The following ST18 variants were observed in gnomAD, a reference collection of about 807,000 sequenced individuals.
The protein encoded by ST18 is suppression of tumorigenicity 18 protein.
Under a neutral mutation model 110.0 loss-of-function variants are expected in ST18, and 50 were observed. The observed-to-expected ratio is 0.45, with a 90% CI of 0.36 to 0.58. ST18 has a LOEUF of 0.58. ST18 is among the 20% of genes least tolerant of loss of function. The pLI, the probability that ST18 is intolerant of heterozygous loss-of-function variation, is 0.00. For missense variants in ST18, 1,306 were observed against 1,280.1 expected (o/e 1.02, Z -0.31); for synonymous variants, 461 against 452.4 (o/e 1.02, Z -0.24).
intron 2 of ST18, among the ~76,000 whole-genome samples, chr8:52,348,545 G>A (rs1818764787): frequency 6.6e-6 from 1 of 152,210 alleles, no homozygotes; most frequent in Admixed American, 6.5e-5. Context: ...CTGAGTTCGA[G>A]ACCAGCCTGG....
chr8:52,201,671 C>T lies in ST18; in HGVS notation c.86+10408G>A, dbSNP rs118083370. On this transcript the variant is annotated intron_variant, in intron 8 of 25. Coordinates refer to ENST00000689386, the MANE Select transcript of ST18 (RefSeq NM_001352837.2). ...GCTCTTCGTCCCAATCTACACCATC[C>T]GTGCCTGGCTGCCCAGCCTTCAGTT... 8.2e-3 allele frequency among the ~76,000 whole-genome samples: 1,251 copies of T among 152,302 alleles called. 7 individuals carry two copies. The highest frequency in any genetic ancestry group is 0.013 in the Non-Finnish European group (904 of 68,018).
chr8:52,129,451 C>CAAAAAA (rs34059224), intron 22 of ST18, among the ~76,000 whole-genome samples: 60 of 72,212 alleles, frequency 8.3e-4, no homozygotes, highest in Middle Eastern at 8.5e-3. Context: ...GAGACTCCAT[C>CAAAAAA]AAAAAAAAAA....
chr8:52,406,451 TC>T (rs1401036766), intron 2 of ST18: 1 of 152,440 alleles, frequency 6.6e-6, no homozygotes, highest in African/African-American at 2.4e-5. Flanking sequence ...GGGCAGTCAC[TC>T]CCTGGCGGGC....
chr8:52,133,219 A>G lies in ST18; in HGVS notation c.2363+20T>C, dbSNP rs2050474392. ...GCCGACAAGCTCATTTCCACATCTC[A>G]GAAATAAGATCAATCCTACCTTCTG... On this transcript the variant is annotated intron_variant, in intron 20 of 25. Transcript: ENST00000689386. The G allele has an allele frequency of 6.2e-7, 1 of 1,613,938 alleles. No homozygotes were observed.
Position 52,314,343 on chromosome 8 carries a change from C to T in ST18, c.-464-84266G>A, listed in dbSNP as rs1419661511. Among the ~76,000 whole-genome samples the T allele has an allele frequency of 2.0e-5, 3 of 152,234 alleles. No individual in the cohort carries two copies. In the East Asian group the frequency reaches 5.8e-4, roughly 29 times the overall value. Reference sequence around the variant, plus strand: ...GAGAATATGACATCCTTTAATGGACCCAACAGGCCCATTTAATGGACTCTT... The same window carrying T: ...GAGAATATGACATCCTTTAATGGACTCAACAGGCCCATTTAATGGACTCTT... On this transcript the variant is annotated intron_variant, in intron 2 of 25. Transcript: ENST00000689386.
chr8:52,176,620 T>C (rs2067065499), intron 9 of ST18, among the ~76,000 whole-genome samples: 1 of 152,194 alleles, frequency 6.6e-6, no homozygotes, highest in East Asian at 1.9e-4. Flanking sequence ...TAAATGTTTC[T>C]GCCTGATACA....
chr8:52,132,073 G>T lies in ST18; in HGVS notation c.2551C>A (p.Pro851Thr). 1 of 1,614,208 alleles carries T rather than the reference G, an allele frequency of 6.2e-7. No individual in the cohort carries two copies. Among genetic ancestry groups the T allele is most frequent in the South Asian group, 1.1e-5 (1 of 91,086 alleles). Residue 851 changes from proline (P) to threonine (T), a missense_variant, in exon 22 of 26, where the codon CCT becomes ACT. Transcript: ENST00000689386. ...PLAAKRQKENPLNGASLSWKL... is the reference protein window; with the variant it reads ...PLAAKRQKENTLNGASLSWKL... ...CAGGAGAGGGAGGCTCCATTGAGAG[G>T]ATTCTCCTTCTGTCTCTTGGCAGCC... is the stretch of plus-strand genomic sequence containing the variant.
At chr8:52,355,010 C>A (rs533371107) in intron 2 of ST18, among the ~76,000 whole-genome samples, 145 of 152,300 alleles carry the variant, frequency 9.5e-4, no homozygotes, top group African/African-American at 3.4e-3. Context: ...CAAAAGGAGA[C>A]TTTTCAGACT....
At chr8:52,287,998 A>G (rs2095496253) in intron 2 of ST18, among the ~76,000 whole-genome samples, 1 of 152,214 alleles carries the variant, frequency 6.6e-6, no homozygotes, top group Admixed American at 6.5e-5. Flanking sequence ...ATCAGTCACA[A>G]CCATAAACTG....
chr8:52,172,558 A>T lies in ST18; in HGVS notation c.303T>A (p.Asp101Glu), dbSNP rs777527097. Residue 101 changes from aspartate (D) to glutamate (E), a missense_variant, in exon 10 of 26, where the codon GAT becomes GAA. Coordinates refer to ENST00000689386, the MANE Select transcript of ST18 (RefSeq NM_001352837.2). ...TAEEIMIKPM[D>E]ESLLSTAQEN... ...CTTGTGCAGTTGAAAGAAGACTTTC[A>T]TCCATAGGTTTTATCATGATTTCCT... 2.5e-6 allele frequency: 4 copies of T among 1,587,250 alleles called. No homozygotes were observed. The Admixed American group carries it at 7.4e-5, about 29-fold the overall frequency.
intron 2 of ST18, among the ~76,000 whole-genome samples, chr8:52,332,233 G>C (rs1329468235): frequency 6.6e-6 from 1 of 151,994 alleles, no homozygotes; most frequent in Non-Finnish European, 1.5e-5. Context: ...TATTTGTAAT[G>C]GGGTAGAAAT....
chr8:52,295,710 C>CTTTT (rs371927202), intron 2 of ST18, among the ~76,000 whole-genome samples: 2 of 130,824 alleles, frequency 1.5e-5, no homozygotes, highest in East Asian at 2.2e-4. Flanking sequence ...TCTTTTTTTC[C>CTTTT]TTTTTTTTTT....
intron 2 of ST18, among the ~76,000 whole-genome samples, chr8:52,348,266 G>GTGGATGCC (rs1818633733): frequency 6.6e-6 from 1 of 152,190 alleles, no homozygotes; most frequent in Admixed American, 6.5e-5. Flanking sequence ...AGCAAGGCAA[G>GTGGATGCC]TGGATGCCTC....
chr8:52,219,564 T>C (rs989368140), intron 5 of ST18, among the ~76,000 whole-genome samples: 3 of 152,224 alleles, frequency 2.0e-5, no homozygotes, highest in Non-Finnish European at 2.9e-5. Context: ...AATCGAAGGA[T>C]GTGTGCACTT....
At chr8:52,205,526 A>G (rs1251449248) in intron 8 of ST18, among the ~76,000 whole-genome samples, 1 of 152,122 alleles carries the variant, frequency 6.6e-6, no homozygotes, top group Non-Finnish European at 1.5e-5. Context: ...AGGAAATGGT[A>G]GTAGTCTGTT....
rs1043645355 is a variant in ST18 at position 52,365,101 on chromosome 8, G to A, written c.-465+44227C>T. 8.1e-5 allele frequency among the ~76,000 whole-genome samples: 9 copies of A among 110,560 alleles called. 1 individual carries two copies. The highest frequency in any genetic ancestry group is 7.8e-4 in the South Asian group (2 of 2,572). 72.5% of individuals were successfully genotyped at this position (110,560 alleles called of 152,430 possible). A position where few individuals can be genotyped will look rare whatever the true frequency, so the allele number is the denominator to read the frequency against. ...TGCACTCCAGCCTGGGTGACAGAGC[G>A]AGACTCTGTCTTAAAAAAAAAATAA... is the stretch of plus-strand genomic sequence containing the variant. On this transcript the variant is annotated intron_variant, in intron 2 of 25. Coordinates refer to ENST00000689386, the MANE Select transcript of ST18 (RefSeq NM_001352837.2).
intron 10 of ST18, among the ~76,000 whole-genome samples, chr8:52,169,052 G>C (rs1432772968): frequency 6.6e-6 from 1 of 152,148 alleles, no homozygotes; most frequent in Non-Finnish European, 1.5e-5. Context: ...TCTGCAGGAA[G>C]CCCGAGAGGG....
chr8:52,386,190 T>G (rs1836684504), intron 2 of ST18, among the ~76,000 whole-genome samples: 1 of 152,192 alleles, frequency 6.6e-6, no homozygotes, highest in South Asian at 2.1e-4. Context: ...TCATTGAAAA[T>G]TACCTTTATA....
intron 8 of ST18, among the ~76,000 whole-genome samples, chr8:52,202,994 T>G (rs2078534191): frequency 1.3e-5 from 2 of 152,108 alleles, no homozygotes; most frequent in Admixed American, 6.5e-5. Context: ...AAGATATAGC[T>G]GAATACTTCA....
Sources: gnomAD v4.1 joint callset for allele counts (sites outside exome capture counted in the v4.1 genomes callset) on GRCh38, gnomAD v4.1.1 for gene constraint, MANE v1.5 for transcripts, NCBI Gene and HGNC (gene_info 2026-07-23, HGNC 2026-07-21) for gene names.